LONP2: variants seen among roughly 807,000 people sequenced by gnomAD.
The protein encoded by LONP2 is lon peptidase 2, peroxisomal, also known as lon protease homolog 2, peroxisomal.
Under a neutral mutation model 85.6 loss-of-function variants are expected in LONP2, and 60 were observed. That is an observed-to-expected ratio of 0.70 (90% CI 0.57 to 0.87). LONP2 has a LOEUF of 0.87. Among genes scored for constraint, LONP2 ranks in the 40% least tolerant of loss-of-function variants. The probability of loss-of-function intolerance (pLI) is 0.00; values close to 1 mark genes in which losing one functional copy is unlikely to be tolerated. For missense variants in LONP2, 860 were observed against 1,063.5 expected, an observed-to-expected ratio of 0.81 and a Z score of 2.66; for synonymous variants, 395 against 389.7, an observed-to-expected ratio of 1.01 and a Z score of -0.16.
chr16:48,248,807 A>C (rs377180697), intron 1 of LONP2, among the ~76,000 whole-genome samples: 1 of 151,020 alleles, frequency 6.6e-6, no homozygotes, highest in Non-Finnish European at 1.5e-5. Context: ...ACTTGAGCCC[A>C]GGTGATCGAA....
chr16:48,259,751 A>G (rs2150968290), intron 4 of LONP2, among the ~76,000 whole-genome samples: 1 of 152,286 alleles, frequency 6.6e-6, no homozygotes, highest in East Asian at 1.9e-4. Context: ...GTACTCCAGG[A>G]CACCATGCTG....
chr16:48,358,069 C>T (rs1469969010), downstream of LONP2, among the ~76,000 whole-genome samples: 2 of 152,104 alleles, frequency 1.3e-5, no homozygotes, highest in African/African-American at 4.8e-5. Context: ...AGAGTTATGC[C>T]TCATAAATCA....
chr16:48,275,020 A>C (rs1490518483), intron 7 of LONP2, among the ~76,000 whole-genome samples: 2 of 152,138 alleles, frequency 1.3e-5, no homozygotes, highest in Non-Finnish European at 2.9e-5. Context: ...AGTTGCTTCC[A>C]TGAGGCAGAA....
At chr16:48,278,147 G>T (rs2046528) in intron 8 of LONP2, among the ~76,000 whole-genome samples, 2,084 of 151,962 alleles carry the variant, frequency 0.014, 48 homozygotes, top group African/African-American at 0.048. Context: ...CACTTTTCCT[G>T]TTCCTATTTT....
rs150965449 is a variant in LONP2, at chr16:48,287,358, C to T, written c.1384-8657C>T. Among the ~76,000 whole-genome samples the T allele has an allele frequency of 5.4e-3, 821 of 152,382 alleles. 4 individuals carry two copies. Among genetic ancestry groups the T allele is most frequent in the Non-Finnish European group, 8.9e-3 (604 of 68,030 alleles). ...CTTTTCAAAGTCCCCATGAATATCT[C>T]ATTTCCCAGTTTTTCCATTTAAGTT... is the stretch of plus-strand genomic sequence containing the variant. On this transcript the variant is annotated intron_variant, in intron 8 of 14. Transcript: ENST00000285737.
At chr16:48,295,972 T>C in intron 8 of LONP2, 43 bp from the exon 9 acceptor site, 1 of 1,599,400 alleles carries the variant, frequency 6.3e-7, no homozygotes, top group Non-Finnish European at 8.6e-7. Flanking sequence ...AGCCTTCTGT[T>C]GGCACTACTA....
intron 5 of LONP2, among the ~76,000 whole-genome samples, chr16:48,261,871 T>C (rs1971886925): frequency 6.6e-6 from 1 of 152,118 alleles, no homozygotes; most frequent in Non-Finnish European, 1.5e-5. Flanking sequence ...GACTGTCCAT[T>C]TCTCTTTGTA....
At position 48,356,461 on chromosome 16, in the gene LONP2, A is replaced by G. The variant is rs886413287; in HGVS notation, c.*4659A>G. 2 of 152,460 alleles carry G rather than the reference A, an allele frequency of 1.3e-5. No individual in the cohort carries two copies. Among genetic ancestry groups the G allele is most frequent in the African/African-American group, 4.9e-5 (2 of 40,962 alleles). 9.4% of individuals were successfully genotyped at this position (152,460 alleles called of 1,614,324 possible). ...AATGAAGTAACATGTTTAAGCTCACATTATTTGAAGTACTTCAGTTCCTAT... is the reference window on the plus strand; with the variant it reads ...AATGAAGTAACATGTTTAAGCTCACGTTATTTGAAGTACTTCAGTTCCTAT... On this transcript the variant is annotated 3_prime_UTR_variant, in exon 15 of 15. Transcript: ENST00000285737.
In LONP2 at chr16:48,356,593, TTTTG is replaced by T. The variant is rs201845373; in HGVS notation, c.*4799_*4802del. On this transcript the variant is annotated 3_prime_UTR_variant, in exon 15 of 15. Coordinates refer to ENST00000285737, the MANE Select transcript of LONP2 (RefSeq NM_031490.5). ...ATGGTCCAACACTAATGCTCATTTT[TTTTG>T]TTTGTTTTACAAACATTTGGTGGAT... The T allele has an allele frequency of 3.4e-3, 903 of 262,604 alleles. 9 individuals are homozygous for T. The highest frequency in any genetic ancestry group is 0.019 in the African/African-American group (837 of 44,864). 16.3% of individuals were successfully genotyped at this position (262,604 alleles called of 1,614,324 possible). A position where few individuals can be genotyped will look rare whatever the true frequency, so the allele number is the denominator to read the frequency against.
chr16:48,278,295 C>G (rs1421008537), intron 8 of LONP2, among the ~76,000 whole-genome samples: 1 of 152,038 alleles, frequency 6.6e-6, no homozygotes. Flanking sequence ...CTTAAGCGTC[C>G]GGTCTGAACT....
Position 48,351,813 on chromosome 16 carries a change from C to A in LONP2, c.*11C>A. The A allele has an allele frequency of 6.2e-7, 1 of 1,609,006 alleles. No individual in the cohort carries two copies. Among genetic ancestry groups the A allele is most frequent in the South Asian group, 1.1e-5 (1 of 90,918 alleles). On this transcript the variant is annotated 3_prime_UTR_variant, in exon 15 of 15. Transcript: ENST00000285737. ...AATAGCAAACTGTAGGTCCAAATCT[C>A]AATTTTTTAGAATTTTAAGTTATGA...
chr16:48,343,312 T>A (rs1030490599), intron 12 of LONP2, among the ~76,000 whole-genome samples: 2 of 152,200 alleles, frequency 1.3e-5, no homozygotes, highest in Non-Finnish European at 2.9e-5. Flanking sequence ...CAATCAAATA[T>A]CACTATTTTT....
chr16:48,278,189 G>A (rs1188410519), intron 8 of LONP2, among the ~76,000 whole-genome samples: 1 of 152,074 alleles, frequency 6.6e-6, no homozygotes, highest in Non-Finnish European at 1.5e-5. Flanking sequence ...AATATTTTCA[G>A]AGTTAGCTGT....
In LONP2 at chr16:48,356,700, A is replaced by AG. The variant is rs1960375887; in HGVS notation, c.*4900dup. On this transcript the variant is annotated 3_prime_UTR_variant, in exon 15 of 15. Transcript: ENST00000285737. The stretch of plus-strand genomic sequence containing the variant: ...TATCAAAAAGGTCTGAATAGACAAC[A>AG]GGCAAATATGGTGAGTGGTCATTGA... The AG allele has an allele frequency of 2.6e-6, 1 of 391,790 alleles. No homozygotes were observed. The highest frequency in any genetic ancestry group is 1.9e-5 in the South Asian group (1 of 53,076). The allele number at this position is 391,790 out of a possible 1,614,324, so 24.3% of individuals were successfully genotyped here. A position where few individuals can be genotyped will look rare whatever the true frequency, so the allele number is the denominator to read the frequency against.
At chr16:48,262,302 A>C (rs1252001734) in intron 5 of LONP2, among the ~76,000 whole-genome samples, 1 of 152,200 alleles carries the variant, frequency 6.6e-6, no homozygotes, top group Non-Finnish European at 1.5e-5. Context: ...TGTATTATGC[A>C]TAGTTAGGCA....
At chr16:48,269,739 T>C (rs1019940552) in intron 6 of LONP2, among the ~76,000 whole-genome samples, 1 of 152,080 alleles carries the variant, frequency 6.6e-6, no homozygotes, top group Middle Eastern at 3.2e-3. Flanking sequence ...ATGTAGAAAT[T>C]AAGAAGTAAT....
chr16:48,328,587 A>G (rs1187157485), intron 11 of LONP2, among the ~76,000 whole-genome samples: 1 of 151,598 alleles, frequency 6.6e-6, no homozygotes, highest in African/African-American at 2.4e-5. Flanking sequence ...CTGAGGCAGG[A>G]GAATCACTTG....
intron 11 of LONP2, among the ~76,000 whole-genome samples, chr16:48,321,216 T>C (rs1973256664): frequency 6.6e-6 from 1 of 152,202 alleles, no homozygotes; most frequent in Admixed American, 6.5e-5. Flanking sequence ...TTGTTATACA[T>C]TATCAAAACA....
intron 1 of LONP2, among the ~76,000 whole-genome samples, chr16:48,245,872 A>C (rs1010771090): frequency 6.6e-6 from 1 of 151,554 alleles, no homozygotes; most frequent in African/African-American, 2.4e-5. Context: ...GTATCTTCAA[A>C]CTCACCTGCC....
Sources: allele counts gnomAD v4.1 joint callset (sites outside exome capture counted in the v4.1 genomes callset), GRCh38; gene constraint gnomAD v4.1.1; transcripts MANE v1.5; gene names NCBI Gene and HGNC (gene_info 2026-07-23, HGNC 2026-07-21).